PARD3B: variants seen among roughly 807,000 people sequenced by gnomAD.
PARD3B encodes par-3 family cell polarity regulator beta.
Under a neutral mutation model 130.2 loss-of-function variants are expected in PARD3B, and 103 were observed. That is an observed-to-expected ratio of 0.79 (90% CI 0.67 to 0.93). The LOEUF (loss-of-function observed/expected upper bound fraction) is 0.93, where lower values mean the gene tolerates loss of function less well. Among genes scored for constraint, PARD3B ranks in the 40% least tolerant of loss-of-function variants. The probability of loss-of-function intolerance (pLI) is 0.00; values close to 1 mark genes in which losing one functional copy is unlikely to be tolerated. For synonymous variants in PARD3B, 583 were observed against 553.2 expected, an observed-to-expected ratio of 1.05 and a Z score of -0.76; for missense variants, 1,609 against 1,499.2, an observed-to-expected ratio of 1.07 and a Z score of -1.21.
intron 2 of PARD3B, among the ~76,000 whole-genome samples, chr2:204,721,692 A>G (rs910952573): frequency 6.6e-6 from 1 of 152,176 alleles, no homozygotes; most frequent in Non-Finnish European, 1.5e-5. Context: ...ACTTGATAAA[A>G]ATGGCAAAGG....
At chr2:205,058,774 T>C (rs1385053191) in intron 4 of PARD3B, among the ~76,000 whole-genome samples, 4 of 152,038 alleles carry the variant, frequency 2.6e-5, no homozygotes, top group Non-Finnish European at 5.9e-5. Context: ...CTTTACTGAT[T>C]TTTGAATTGT....
intron 1 of PARD3B, among the ~76,000 whole-genome samples, chr2:204,663,524 A>C (rs1422921993): frequency 6.6e-6 from 1 of 152,246 alleles, no homozygotes; most frequent in Non-Finnish European, 1.5e-5. Context: ...CTTGGATTTT[A>C]AAATATAAAG....
At chr2:204,953,901 C>G (rs1184234411) in intron 2 of PARD3B, among the ~76,000 whole-genome samples, 1 of 151,516 alleles carries the variant, frequency 6.6e-6, no homozygotes, top group East Asian at 1.9e-4. Context: ...AAATCTAAAA[C>G]TAACTCGCAA....
chr2:205,492,139 A>C (rs944374386), intron 20 of PARD3B, among the ~76,000 whole-genome samples: 5 of 152,106 alleles, frequency 3.3e-5, no homozygotes, highest in African/African-American at 1.2e-4. Context: ...ATAGTTTTTC[A>C]TCAGATTCTG....
rs2040483362 is a variant in PARD3B, at chr2:205,265,860, A to G, written c.2185+20038A>G. Reference sequence around the variant, plus strand: ...AATGGGCTATCAAGTAGAGTTTAGAAATCTTCTGTTCATACAGATTTTTAT... The same window carrying G: ...AATGGGCTATCAAGTAGAGTTTAGAGATCTTCTGTTCATACAGATTTTTAT... On this transcript the variant is annotated intron_variant, in intron 16 of 22. Transcript: ENST00000406610. The surrounding 1 kb of genome is among the most constrained non-coding windows in gnomAD (Gnocchi z 4.3). Among the ~76,000 whole-genome samples the G allele has an allele frequency of 6.6e-6, 1 of 151,990 alleles. No homozygotes were observed. Among genetic ancestry groups the G allele is most frequent in the African/African-American group, 2.4e-5 (1 of 41,430 alleles).
intron 16 of PARD3B, among the ~76,000 whole-genome samples, chr2:205,295,707 T>C (rs1165816298): frequency 2.6e-5 from 4 of 152,156 alleles, no homozygotes; most frequent in Admixed American, 2.6e-4. Context: ...CATTCTTTTA[T>C]TGTGAGATTT....
In PARD3B at chr2:205,498,200, A is replaced by G. The variant is rs1279033070; in HGVS notation, c.3045-1696A>G. 7.1e-3 allele frequency among the ~76,000 whole-genome samples: 17 copies of G among 2,386 alleles called. No individual in the cohort carries two copies. The Non-Finnish European group carries it at 0.37, about 52-fold the overall frequency. 1.6% of individuals were successfully genotyped at this position (2,386 alleles called of 152,430 possible). A position where few individuals can be genotyped will look rare whatever the true frequency, so the allele number is the denominator to read the frequency against. The stretch of plus-strand genomic sequence containing the variant: ...GGGTGACAGAGTAAGACTCTGACTA[A>G]AAAAAAAAAAAAAAAAACAGGCCAG... On this transcript the variant is annotated intron_variant, in intron 20 of 22. Transcript: ENST00000406610.
chr2:204,738,077 A>G (rs1179941827), intron 2 of PARD3B, among the ~76,000 whole-genome samples: 1 of 152,066 alleles, frequency 6.6e-6, no homozygotes, highest in African/African-American at 2.4e-5. Flanking sequence ...ATTCCATATT[A>G]ATTTTAGGAT....
At chr2:204,620,240 T>C (rs2034250172) in intron 1 of PARD3B, among the ~76,000 whole-genome samples, 1 of 152,172 alleles carries the variant, frequency 6.6e-6, no homozygotes, top group South Asian at 2.1e-4. Flanking sequence ...TGACCTCAGA[T>C]GATCCACCAG....
At chr2:204,958,676 C>G (rs749252346) in intron 2 of PARD3B, among the ~76,000 whole-genome samples, 21 of 152,118 alleles carry the variant, frequency 1.4e-4, no homozygotes, top group African/African-American at 4.8e-4. Context: ...TTAAATTTAA[C>G]CTTTCATTGT....
intron 2 of PARD3B, among the ~76,000 whole-genome samples, chr2:204,779,266 A>G (rs1016294802): frequency 1.3e-5 from 2 of 152,146 alleles, no homozygotes; most frequent in African/African-American, 4.8e-5. Context: ...GCTCCATGCG[A>G]ACAGGGATTA....
At chr2:205,588,517 G>A (rs935727153) in intron 22 of PARD3B, among the ~76,000 whole-genome samples, 7 of 151,790 alleles carry the variant, frequency 4.6e-5, no homozygotes, top group South Asian at 4.2e-4. Context: ...TTTTGTGTGC[G>A]TGCATGTGTG....
At chr2:205,272,858 G>T (rs775514316) in intron 16 of PARD3B, among the ~76,000 whole-genome samples, 1 of 152,138 alleles carries the variant, frequency 6.6e-6, no homozygotes, top group Non-Finnish European at 1.5e-5. Context: ...ACAAAAAACC[G>T]CATGAATATC....
In PARD3B at chr2:204,669,842, G is replaced by A. The variant is rs555537812; in HGVS notation, c.121-16339G>A. On this transcript the variant is annotated intron_variant, in intron 1 of 22. Transcript: ENST00000406610. This position sits in a 1 kb window ranked among gnomAD's most constrained non-coding sequence, Gnocchi z 4.3. The stretch of plus-strand genomic sequence containing the variant: ...CTTTTACTCCGAGGAATGAAGAGAT[G>A]CTGTTTTAGATGACAGAATAAACAT... 1.4e-4 allele frequency among the ~76,000 whole-genome samples: 21 copies of A among 152,198 alleles called. No individual in the cohort carries two copies. In the South Asian group the frequency reaches 3.7e-3, roughly 27 times the overall value.
Position 205,269,817 on chromosome 2 carries a change from T to A in PARD3B, c.2185+23995T>A, listed in dbSNP as rs879459703. ...TATGTGCTTCTCTCCTACTGGCATG[T>A]ATCATAGACTCAGTATTTTCTAGAG... On this transcript the variant is annotated intron_variant, in intron 16 of 22. Coordinates refer to ENST00000406610, the MANE Select transcript of PARD3B (RefSeq NM_001302769.2). This position sits in a 1 kb window ranked among gnomAD's most constrained non-coding sequence, Gnocchi z 4.7. Among the ~76,000 whole-genome samples the A allele has an allele frequency of 6.6e-5, 10 of 152,188 alleles. No homozygotes were observed. Among genetic ancestry groups the A allele is most frequent in the Non-Finnish European group, 1.5e-4 (10 of 68,040 alleles).
intron 10 of PARD3B, among the ~76,000 whole-genome samples, chr2:205,143,139 T>C (rs2033105669): frequency 6.6e-6 from 1 of 152,198 alleles, no homozygotes. Context: ...TTCTTTTCAG[T>C]TGAATATTAT....
chr2:205,065,056 T>C (rs1343982181), intron 4 of PARD3B, among the ~76,000 whole-genome samples: 1 of 152,270 alleles, frequency 6.6e-6, no homozygotes, highest in South Asian at 2.1e-4. Flanking sequence ...CAGTCTCCAG[T>C]GTAATAACAG....
chr2:205,586,046 T>C (rs983249039), intron 22 of PARD3B, among the ~76,000 whole-genome samples: 2 of 152,230 alleles, frequency 1.3e-5, no homozygotes, highest in Admixed American at 1.3e-4. Flanking sequence ...TTTCTCCTAA[T>C]GAGGGATGGC....
intron 1 of PARD3B, among the ~76,000 whole-genome samples, chr2:204,601,734 T>G (rs1046455399): frequency 6.6e-6 from 1 of 151,968 alleles, no homozygotes; most frequent in Non-Finnish European, 1.5e-5. Flanking sequence ...CAAATCTAAA[T>G]GAAAATTTAT....
Sources: gnomAD v4.1 joint callset for allele counts (sites outside exome capture counted in the v4.1 genomes callset) on GRCh38, gnomAD v4.1.1 for gene constraint, Gnocchi (gnomAD v3.1) non-coding constraint, MANE v1.5 for transcripts, NCBI Gene and HGNC (gene_info 2026-07-23, HGNC 2026-07-21) for gene names.